SP140: variants seen among roughly 807,000 people sequenced by gnomAD.
The protein encoded by SP140 is SP140 nuclear body protein.
Under a neutral mutation model 125.0 loss-of-function variants are expected in SP140, and 81 were observed. That is an observed-to-expected ratio of 0.65 (90% CI 0.54 to 0.78). The LOEUF is 0.78. Ranked by LOEUF, SP140 falls within the 30% of genes least tolerant of loss-of-function variation. The pLI is 0.00. For missense variants in SP140, 858 were observed against 1,037.0 expected, an observed-to-expected ratio of 0.83 and a Z score of 2.37; for synonymous variants, 312 against 354.0, an observed-to-expected ratio of 0.88 and a Z score of 1.33.
At position 230,248,866 on chromosome 2, in the gene SP140, A is replaced by G. The variant is rs756384583; in HGVS notation, c.893-19A>G. ...CCAAGTCACCCTCTGTGGTCTGTCAATTTCTTGTTTATCTGCAGAGACCTT... is the reference window on the plus strand; with the variant it reads ...CCAAGTCACCCTCTGTGGTCTGTCAGTTTCTTGTTTATCTGCAGAGACCTT... On this transcript the variant is annotated intron_variant, in intron 8 of 26. Transcript: ENST00000392045. The G allele has an allele frequency of 4.8e-5, 77 of 1,602,478 alleles. No homozygotes were observed. Among genetic ancestry groups the G allele is most frequent in the East Asian group, 2.2e-4 (10 of 44,800 alleles).
chr2:230,212,859 G>C (rs201626543), intron 1 of SP140: 2 of 1,614,120 alleles, frequency 1.2e-6, no homozygotes, highest in East Asian at 4.5e-5. Context: ...TTGCTGGGAG[G>C]ATGTTCCAGG....
Position 230,269,882 on chromosome 2 carries a change from T to C in SP140, c.1373T>C (p.Met458Thr). The C allele has an allele frequency of 6.2e-7, 1 of 1,614,026 alleles. No individual in the cohort carries two copies. The highest frequency in any genetic ancestry group is 8.5e-7 in the Non-Finnish European group (1 of 1,179,950). The change falls in exon 14 of 27, where the codon ATG becomes ACG. Residue 458 changes from methionine (M) to threonine (T), a missense_variant. Met to Thr is a moderately conservative substitution (Grantham distance 81). This residue lies in a region of SP140 where 791 missense variants were observed against 869.5 expected (regional missense o/e 0.91). Transcript: ENST00000392045. The stretch of plus-strand genomic sequence containing the variant: ...GAAAATGAGAAGTGTTCCTGTGTCA[T>C]GTGTTTCTCAGAAGAGGTGCCAGGA... ...AYENEKCSCV[M>T]CFSEEVPGSP...
At chr2:230,225,297 TC>T (rs2046190558), upstream of SP140, among the ~76,000 whole-genome samples, 1 of 152,228 alleles carries the variant, frequency 6.6e-6, no homozygotes, top group African/African-American at 2.4e-5. Flanking sequence ...CTGTCTGCTT[TC>T]ATGGAGTGCT....
At chr2:230,268,550 A>T (rs1212723792) in intron 12 of SP140, among the ~76,000 whole-genome samples, 1 of 152,056 alleles carries the variant, frequency 6.6e-6, no homozygotes, top group African/African-American at 2.4e-5. Context: ...GACAAAAGAA[A>T]GGTAACAGTA....
In SP140 at chr2:230,312,782, C is replaced by A; in HGVS notation, c.*98C>A. 1.2e-6 allele frequency: 1 copy of A among 837,984 alleles called. No individual in the cohort carries two copies. Among genetic ancestry groups the A allele is most frequent in the Non-Finnish European group, 2.0e-6 (1 of 502,346 alleles). 51.9% of individuals were successfully genotyped at this position (837,984 alleles called of 1,614,324 possible). A position where few individuals can be genotyped will look rare whatever the true frequency, so the allele number is the denominator to read the frequency against. ...AAAATGAGGTCACTTGGGCACAGCA[C>A]ATGCAGGGAGGGGCTTTTCTCTGAG... On this transcript the variant is annotated 3_prime_UTR_variant, in exon 27 of 27. Transcript: ENST00000392045.
At chr2:230,259,771 C>CATAT (rs745848625) in intron 12 of SP140, among the ~76,000 whole-genome samples, 4,532 of 85,724 alleles carry the variant, frequency 0.053, 361 homozygotes, top group African/African-American at 0.1. Flanking sequence ...AGTATTCCAT[C>CATAT]ATATATATAT....
rs200816727 is a variant in SP140, at chr2:230,211,551, C to T, written c.-322-2103C>T. Reference sequence around the variant, plus strand: ...ATTTGGGGGATCAGGTTGTCACTGGCCACTGAATGGAGGAAGAAAAAGTTT... The same window carrying T: ...ATTTGGGGGATCAGGTTGTCACTGGTCACTGAATGGAGGAAGAAAAAGTTT... On this transcript the variant is annotated intron_variant, in intron 1 of 4. Transcript: ENST00000456542. The surrounding 1 kb of genome is among the most constrained non-coding windows in gnomAD (Gnocchi z 4.2). 19 of 1,596,538 alleles carry T rather than the reference C, an allele frequency of 1.2e-5. No individual in the cohort carries two copies. The East Asian group carries it at 1.6e-4, about 13-fold the overall frequency.
At chr2:230,205,889 G>A (rs2043737543) in intron 1 of SP140, among the ~76,000 whole-genome samples, 1 of 152,180 alleles carries the variant, frequency 6.6e-6, no homozygotes. Context: ...GATTGACAAA[G>A]CTCAGAAGTG....
At chr2:230,218,561 G>A (rs1401631071) in intron 3 of SP140, among the ~76,000 whole-genome samples, 1 of 152,148 alleles carries the variant, frequency 6.6e-6, no homozygotes, top group East Asian at 1.9e-4. Context: ...GGGTCTTGGA[G>A]GCTCCTTTTA....
At chr2:230,226,468 G>T (rs1192802922) in intron 1 of SP140, among the ~76,000 whole-genome samples, 1 of 152,158 alleles carries the variant, frequency 6.6e-6, no homozygotes, top group African/African-American at 2.4e-5. Flanking sequence ...GAGAGTGAGT[G>T]CTGCTTCTGC....
intron 22 of SP140, among the ~76,000 whole-genome samples, chr2:230,302,834 T>A (rs530969397): frequency 6.6e-6 from 1 of 152,092 alleles, no homozygotes; most frequent in Non-Finnish European, 1.5e-5. Context: ...GAAATCAAGA[T>A]GGAAATGAAA....
chr2:230,215,047 C>T, intron 3 of SP140: 1 of 1,613,608 alleles, frequency 6.2e-7, no homozygotes, highest in Non-Finnish European at 8.5e-7. Flanking sequence ...TAAAAGTCCT[C>T]TCCAGTTGGG....
chr2:230,312,709 T>C lies in SP140; in HGVS notation c.*25T>C. 5 of 1,545,262 alleles carry C rather than the reference T, an allele frequency of 3.2e-6. No homozygotes were observed. Among genetic ancestry groups the C allele is most frequent in the Non-Finnish European group, 4.5e-6 (5 of 1,119,288 alleles). On this transcript the variant is annotated 3_prime_UTR_variant, in exon 27 of 27. Coordinates refer to ENST00000392045, the MANE Select transcript of SP140 (RefSeq NM_007237.5). The stretch of plus-strand genomic sequence containing the variant: ...ACTGGATTAGTGGATGCTGAAAGCA[T>C]TCAGCAAATGGCACCCTAAAATATG...
intron 1 of SP140, among the ~76,000 whole-genome samples, chr2:230,204,038 G>GA (rs1405448070): frequency 6.6e-6 from 1 of 151,872 alleles, no homozygotes; most frequent in East Asian, 1.9e-4. Context: ...TGGAAAATTG[G>GA]AAAAAAGAAA....
At chr2:230,213,871 C>G (rs1185548076) in intron 2 of SP140, 2 of 152,338 alleles carry the variant, frequency 1.3e-5, no homozygotes, top group Non-Finnish European at 2.9e-5. Context: ...GCTGCCAGGA[C>G]AGTGGGCCCT....
chr2:230,239,371 T>C (rs62193140), intron 3 of SP140, among the ~76,000 whole-genome samples: 14,315 of 152,328 alleles, frequency 0.094, 888 homozygotes, highest in Non-Finnish European at 0.12. Flanking sequence ...TTACAATACC[T>C]AATACAATGT....
At chr2:230,236,117 C>A (rs1321136905) in intron 1 of SP140, among the ~76,000 whole-genome samples, 1 of 152,014 alleles carries the variant, frequency 6.6e-6, no homozygotes, top group Non-Finnish European at 1.5e-5. Flanking sequence ...CCTTGTGATC[C>A]GCCTGTCTCG....
chr2:230,221,117 C>G (rs2045780759), upstream of SP140, among the ~76,000 whole-genome samples: 1 of 151,566 alleles, frequency 6.6e-6, no homozygotes, highest in African/African-American at 2.4e-5. Context: ...CCCATCTCTA[C>G]TAAAAATACA....
intron 15 of SP140, among the ~76,000 whole-genome samples, chr2:230,280,303 T>C (rs1001746776): frequency 1.3e-5 from 2 of 152,230 alleles, no homozygotes; most frequent in African/African-American, 4.8e-5. Flanking sequence ...AAATCTCTTT[T>C]GCCAAGTACT....
Sources: allele counts gnomAD v4.1 joint callset (sites outside exome capture counted in the v4.1 genomes callset), GRCh38; gene constraint gnomAD v4.1.1; regional missense constraint gnomAD v4.1.1; non-coding constraint Gnocchi (gnomAD v3.1); transcripts MANE v1.5; gene names NCBI Gene and HGNC (gene_info 2026-07-23, HGNC 2026-07-21).